The following KANSL1L variants were observed in gnomAD, a reference collection of about 807,000 sequenced individuals.
KANSL1L encodes KAT8 regulatory NSL complex subunit 1 like.
A neutral mutation model predicts 108.6 loss-of-function variants in KANSL1L; 25 were observed. That is an observed-to-expected ratio of 0.23 (90% CI 0.17 to 0.32). The LOEUF is 0.32. KANSL1L is among the 10% of genes least tolerant of loss of function. KANSL1L has a pLI of 1.00. For missense variants in KANSL1L, 1,137 were observed against 1,125.7 expected (o/e 1.01, Z -0.14); for synonymous variants, 405 against 395.1 (o/e 1.03, Z -0.30).
At chr2:210,062,222 G>C (rs903425852) in intron 6 of KANSL1L, among the ~76,000 whole-genome samples, 4 of 152,172 alleles carry the variant, frequency 2.6e-5, no homozygotes, top group African/African-American at 9.6e-5. Context: ...TTTAAAAAGA[G>C]AAGATACCCT....
At chr2:210,118,572 C>G (rs1033923365) in intron 3 of KANSL1L, among the ~76,000 whole-genome samples, 3 of 150,928 alleles carry the variant, frequency 2.0e-5, no homozygotes, top group Non-Finnish European at 3.0e-5. Context: ...TTATACCAAG[C>G]ATGGTGGCTC....
chr2:210,092,398 C>G (rs764992183), intron 5 of KANSL1L, among the ~76,000 whole-genome samples: 2 of 152,098 alleles, frequency 1.3e-5, no homozygotes, highest in Non-Finnish European at 2.9e-5. Flanking sequence ...TCTAATACTT[C>G]TTCTATGTCA....
Position 210,150,086 on chromosome 2 carries a change from G to C in KANSL1L, c.1088+3409C>G, listed in dbSNP as rs139107537. ...ACCAAGGCATTAATCATAATATTAA[G>C]AGGCCAATAATGCAAGAGGCCAGAA... On this transcript the variant is annotated intron_variant, in intron 2 of 14. Coordinates refer to ENST00000281772, the MANE Select transcript of KANSL1L (RefSeq NM_152519.4). Among the ~76,000 whole-genome samples, 52 of 152,190 alleles carry C rather than the reference G, an allele frequency of 3.4e-4. No individual in the cohort carries two copies. In the East Asian group the frequency reaches 8.9e-3, roughly 26 times the overall value.
At chr2:210,052,643 A>AT (rs1238863286) in intron 6 of KANSL1L, among the ~76,000 whole-genome samples, 1 of 151,926 alleles carries the variant, frequency 6.6e-6, no homozygotes, top group Non-Finnish European at 1.5e-5. Context: ...CTTTAGTTCT[A>AT]TTTTTTTCCC....
chr2:210,067,092 C>T (rs751903015), intron 6 of KANSL1L, among the ~76,000 whole-genome samples: 2 of 152,186 alleles, frequency 1.3e-5, no homozygotes, highest in Non-Finnish European at 2.9e-5. Context: ...TTCAGTGAGA[C>T]ATCAGTGCTC....
intron 3 of KANSL1L, among the ~76,000 whole-genome samples, chr2:210,128,815 A>G (rs2095092493): frequency 6.6e-6 from 1 of 152,198 alleles, no homozygotes. Flanking sequence ...TCCAATAAGG[A>G]AGTTCTGAAT....
At position 210,164,468 on chromosome 2, in the gene KANSL1L, A is replaced by G. The variant is rs146304974; in HGVS notation, c.-30+6681T>C. 1.4e-3 allele frequency among the ~76,000 whole-genome samples: 219 copies of G among 152,238 alleles called. 1 individual carries two copies. Among genetic ancestry groups the G allele is most frequent in the Non-Finnish European group, 2.4e-3 (163 of 67,988 alleles). On this transcript the variant is annotated intron_variant, in intron 1 of 14. Coordinates refer to ENST00000281772, the MANE Select transcript of KANSL1L (RefSeq NM_152519.4). ...ATTTGGATCCTTGCTAAATCTAAGA[A>G]ATGTCTTTACAACTACTAAAATACT... is the stretch of plus-strand genomic sequence containing the variant.
At position 210,030,331 on chromosome 2, in the gene KANSL1L, G is replaced by GA. The variant is rs1183205131; in HGVS notation, c.2156-414dup. 4.0e-5 allele frequency among the ~76,000 whole-genome samples: 6 copies of GA among 151,440 alleles called. No individual in the cohort carries two copies. In the East Asian group the frequency reaches 5.8e-4, roughly 15 times the overall value. On this transcript the variant is annotated intron_variant, in intron 9 of 14. Transcript: ENST00000281772. ...GTCTTCTGAACACTCTTAATTTTTT[G>GA]AAAAAATTCTGCTATTATAAGTACA...
intron 5 of KANSL1L, among the ~76,000 whole-genome samples, 176 bp from the exon 6 acceptor site, chr2:210,075,932 C>T (rs2094539003): frequency 6.6e-6 from 1 of 152,156 alleles, no homozygotes; most frequent in Non-Finnish European, 1.5e-5. Context: ...CGGGAAATTA[C>T]ATATTCAAGT....
At chr2:210,152,084 G>GC (rs1441102025) in intron 2 of KANSL1L, 8 of 152,144 alleles carry the variant, frequency 5.3e-5, no homozygotes, top group African/African-American at 1.9e-4. Context: ...CAGGTTTTAA[G>GC]CCTAGTGCCC....
rs1008794587 is a variant in KANSL1L, at chr2:210,044,598, TG to T, written c.1756-495del. Among the ~76,000 whole-genome samples, 4 of 151,274 alleles carry T rather than the reference TG, an allele frequency of 2.6e-5. No individual in the cohort carries two copies. The highest frequency in any genetic ancestry group is 2.1e-4 in the South Asian group (1 of 4,782). ...ATGGATTGCAGGGTTTGTTTTTTTT[TG>T]GGGGGGGTATGGTTCTTTATCAGAA... is the stretch of plus-strand genomic sequence containing the variant. On this transcript the variant is annotated intron_variant, in intron 6 of 14. Transcript: ENST00000281772. The surrounding 1 kb of genome is among the most constrained non-coding windows in gnomAD (Gnocchi z 4.2).
chr2:210,108,518 T>C (rs960085991), intron 3 of KANSL1L, among the ~76,000 whole-genome samples: 17 of 152,306 alleles, frequency 1.1e-4, no homozygotes, highest in African/African-American at 3.6e-4. Flanking sequence ...ACTGTCTAGA[T>C]TGAAATATAA....
At chr2:210,162,228 ATATATATATATATATG>A (rs1388550316) in intron 1 of KANSL1L, among the ~76,000 whole-genome samples, 1 of 141,718 alleles carries the variant, frequency 7.1e-6, no homozygotes, top group East Asian at 2.1e-4. Flanking sequence ...TCAGGTATAT[ATATATATATATATATG>A]TATATCAATA....
upstream of KANSL1L, chr2:210,171,674 C>A (rs1175476250): frequency 6.6e-6 from 1 of 151,858 alleles, no homozygotes; most frequent in African/African-American, 2.4e-5. Context: ...AAAAAAAACA[C>A]GGCCAGGAGA....
chr2:210,065,643 T>TG (rs1402665482), intron 6 of KANSL1L, among the ~76,000 whole-genome samples: 4 of 144,184 alleles, frequency 2.8e-5, no homozygotes, highest in African/African-American at 1.0e-4. Context: ...TAGAGTGCAG[T>TG]GGCATGATCT....
chr2:210,114,207 C>A (rs943179148), intron 3 of KANSL1L, among the ~76,000 whole-genome samples: 1 of 151,978 alleles, frequency 6.6e-6, no homozygotes, highest in Admixed American at 6.6e-5. Flanking sequence ...AGGGATCCTC[C>A]GTAATACTAT....
At chr2:210,151,220 C>T (rs1313827712) in intron 2 of KANSL1L, among the ~76,000 whole-genome samples, 1 of 152,048 alleles carries the variant, frequency 6.6e-6, no homozygotes, top group African/African-American at 2.4e-5. Context: ...GAGGTTTTGC[C>T]ATGTTGCCCA....
intron 6 of KANSL1L, among the ~76,000 whole-genome samples, chr2:210,071,122 CA>C (rs1454670080): frequency 6.6e-6 from 1 of 151,708 alleles, no homozygotes; most frequent in Non-Finnish European, 1.5e-5. Context: ...TGTGCCAGTG[CA>C]CTCCAGCCTG....
chr2:210,034,684 G>A (rs1002689654), intron 8 of KANSL1L, among the ~76,000 whole-genome samples: 10 of 152,150 alleles, frequency 6.6e-5, no homozygotes, highest in Non-Finnish European at 1.3e-4. Context: ...GAGAGTAGTC[G>A]AAGGCACAAA....
Sources: allele counts gnomAD v4.1 joint callset (sites outside exome capture counted in the v4.1 genomes callset), GRCh38; gene constraint gnomAD v4.1.1; non-coding constraint Gnocchi (gnomAD v3.1); transcripts MANE v1.5; gene names NCBI Gene and HGNC (gene_info 2026-07-23, HGNC 2026-07-21).